AKR1E2: variants seen among roughly 807,000 people sequenced by gnomAD.
The protein encoded by AKR1E2 is aldo-keto reductase family 1 member E2, also known as 1,5-anhydro-D-fructose reductase.
A neutral mutation model predicts 41.9 loss-of-function variants in AKR1E2; 43 were observed. The observed-to-expected ratio is 1.03, with a 90% CI of 0.80 to 1.32. The LOEUF (loss-of-function observed/expected upper bound fraction) is 1.32, where lower values mean the gene tolerates loss of function less well. Ranked by LOEUF, AKR1E2 falls within the 40% of genes most tolerant of loss-of-function variation. AKR1E2 has a pLI of 0.00. For synonymous variants in AKR1E2, 121 were observed against 138.9 expected (o/e 0.87, Z 0.91); for missense variants, 423 against 396.5 (o/e 1.07, Z -0.57).
intron 6 of AKR1E2, 130 bp from the exon 7 acceptor site, chr10:4,841,655 T>G: frequency 1.6e-6 from 1 of 634,204 alleles, no homozygotes; most frequent in Non-Finnish European, 2.5e-6. Context: ...CATTTTAAAA[T>G]TTCCTGTAGT....
chr10:4,863,178 C>T, the AKR1E2 span, among the ~76,000 whole-genome samples: 9 of 152,322 alleles, frequency 5.9e-5, no homozygotes, highest in Admixed American at 4.6e-4. Flanking sequence ...CACCACACCG[C>T]ACTTATTCCA....
chr10:4,841,294 G>A (rs761280566), intron 6 of AKR1E2, among the ~76,000 whole-genome samples: 1 of 152,336 alleles, frequency 6.6e-6, no homozygotes, highest in Non-Finnish European at 1.5e-5. Flanking sequence ...AGCAGAGGAT[G>A]CACAGGGACT....
intron 5 of AKR1E2, among the ~76,000 whole-genome samples, chr10:4,837,928 C>A (rs1833566434): frequency 6.6e-6 from 1 of 152,236 alleles, no homozygotes; most frequent in African/African-American, 2.4e-5. Context: ...TCCCAGCCTG[C>A]AGACTGCAGC....
chr10:4,870,346 A>AC, the AKR1E2 span, among the ~76,000 whole-genome samples: 1 of 152,076 alleles, frequency 6.6e-6, no homozygotes, highest in African/African-American at 2.4e-5. Context: ...GGCAAGAACA[A>AC]TCTACTGCGT....
the AKR1E2 span, among the ~76,000 whole-genome samples, chr10:4,854,590 G>A: frequency 2.6e-4 from 39 of 152,220 alleles, no homozygotes; most frequent in Admixed American, 2.3e-3. Flanking sequence ...GGTAAGTGGT[G>A]GGTGGGGTCC....
the AKR1E2 span, among the ~76,000 whole-genome samples, chr10:4,869,326 G>T: frequency 6.6e-6 from 1 of 152,072 alleles, no homozygotes; most frequent in Non-Finnish European, 1.5e-5. Context: ...GTTGTTTGTA[G>T]TACCCCATTA....
At chr10:4,848,280 T>C (rs1834458430), downstream of AKR1E2, among the ~76,000 whole-genome samples, 2 of 152,250 alleles carry the variant, frequency 1.3e-5, no homozygotes, top group African/African-American at 2.4e-5. Flanking sequence ...GGAACCCCCA[T>C]AGCGGAGATG....
rs75310214 is a variant in AKR1E2 at position 4,847,248 on chromosome 10, T to G, written c.920+18T>G. ...TTCCCCATGTAAATATGGCTCCTTC[T>G]TTTTAAAACAGAGGGAAGAATATAC... On this transcript the variant is annotated intron_variant, in intron 9 of 9. Coordinates refer to ENST00000298375, the MANE Select transcript of AKR1E2 (RefSeq NM_001040177.3). The G allele has an allele frequency of 3.1e-5, 50 of 1,613,558 alleles. No individual in the cohort carries two copies. In the Middle Eastern group the frequency reaches 9.9e-4, roughly 32 times the overall value.
chr10:4,854,126 C>G, the AKR1E2 span, among the ~76,000 whole-genome samples: 3 of 141,012 alleles, frequency 2.1e-5, no homozygotes, highest in Admixed American at 7.4e-5. Context: ...CAGAGTCATG[C>G]TCTGCTGCCA....
the AKR1E2 span, among the ~76,000 whole-genome samples, chr10:4,856,962 C>G: frequency 1.3e-5 from 2 of 152,124 alleles, no homozygotes; most frequent in African/African-American, 4.8e-5. Context: ...TTCATCTTCT[C>G]CAGCTGAAAC....
At position 4,839,801 on chromosome 10, in the gene AKR1E2, G is replaced by A. The variant is rs1833727289; in HGVS notation, c.655G>A (p.Ala219Thr). 1 of 1,614,112 alleles carries A rather than the reference G, an allele frequency of 6.2e-7. No homozygotes were observed. The highest frequency in any genetic ancestry group is 1.3e-5 in the African/African-American group (1 of 75,036). ...FCQSRDVSVT[A>T]YRPLGGSCEG... ...CCAATCCAGAGATGTGTCCGTGACT[G>A]CTTACCGTCCTCTTGGTGGCTCGTG... Residue 219 changes from alanine (A) to threonine (T), a missense_variant, in exon 6 of 10, where the codon GCT becomes ACT. Ala to Thr is a moderately conservative substitution (Grantham distance 58, BLOSUM62 0). Transcript: ENST00000298375.
the AKR1E2 span, among the ~76,000 whole-genome samples, chr10:4,855,966 CA>C: frequency 6.6e-6 from 1 of 152,160 alleles, no homozygotes; most frequent in Non-Finnish European, 1.5e-5. Flanking sequence ...GTGCAGGAAA[CA>C]GTCAGCCCTT....
downstream of AKR1E2, among the ~76,000 whole-genome samples, chr10:4,849,935 T>A (rs1834492035): frequency 6.6e-6 from 1 of 152,152 alleles, no homozygotes; most frequent in Non-Finnish European, 1.5e-5. Flanking sequence ...CTTTGTACAA[T>A]CACAGTGAGG....
At chr10:4,869,635 CT>C in the AKR1E2 span, among the ~76,000 whole-genome samples, 2 of 151,798 alleles carry the variant, frequency 1.3e-5, no homozygotes, top group Non-Finnish European at 2.9e-5. Context: ...GACTTTTCCC[CT>C]TTTTTCTATA....
the AKR1E2 span, among the ~76,000 whole-genome samples, chr10:4,858,033 C>T: frequency 4.1e-3 from 623 of 152,016 alleles, 2 homozygotes; most frequent in African/African-American, 4.9e-3. Flanking sequence ...CTGTTAGATT[C>T]GGTTTCGTTC....
the AKR1E2 span, among the ~76,000 whole-genome samples, chr10:4,861,805 A>C: frequency 6.6e-6 from 1 of 151,716 alleles, no homozygotes; most frequent in Non-Finnish European, 1.5e-5. Context: ...AATTTGTTGG[A>C]GTTCTTTGTA....
rs1050202313 is a variant in AKR1E2, at chr10:4,842,449, A to C, written c.782A>C (p.Asn261Thr). The change falls in exon 8 of 10, where the codon AAT becomes ACT. Residue 261 changes from asparagine to threonine, a missense_variant. Physicochemically the swap from Asn to Thr is moderately conservative, Grantham distance 65 (BLOSUM62 0). Transcript: ENST00000298375. ...QILIRFQIQR[N>T]VIVIPGSITP... ...TTGATCCGATTTCAAATCCAGAGGA[A>C]TGTGATAGTGATCCCCGGATCTATC... is the stretch of plus-strand genomic sequence containing the variant. 6.2e-7 allele frequency: 1 copy of C among 1,614,206 alleles called. No homozygotes were observed. Among genetic ancestry groups the C allele is most frequent in the Non-Finnish European group, 8.5e-7 (1 of 1,180,008 alleles).
Position 4,826,360 on chromosome 10 carries a change from G to A in AKR1E2, c.36G>A (p.Trp12Ter). The A allele has an allele frequency of 1.6e-6, 2 of 1,234,810 alleles. No homozygotes were observed. The highest frequency in any genetic ancestry group is 3.2e-5 in the East Asian group (1 of 31,638). The allele number at this position is 1,234,810 out of a possible 1,614,324, so 76.5% of individuals were successfully genotyped here. A position where few individuals can be genotyped will look rare whatever the true frequency, so the allele number is the denominator to read the frequency against. ...GDIPAVGLSS[W>*]KASPGKVTEA... ...TCCCAGCCGTGGGCCTCAGCTCCTG[G>A]AAGGTGACGCGGTCGCGGGCAGGGA... The change falls in exon 1 of 10, where the codon TGG becomes TGA. Residue 12 changes from tryptophan (W) to a stop codon, truncating the protein, a stop_gained. Transcript: ENST00000298375. LOFTEE classifies it high-confidence loss of function.
At chr10:4,841,940 C>A in intron 7 of AKR1E2, 83 bp downstream of exon 7, 1 of 1,296,372 alleles carries the variant, frequency 7.7e-7, no homozygotes, top group Non-Finnish European at 1.1e-6. Flanking sequence ...TTGGCAGGTC[C>A]CAGGAAGGGA....
Sources: allele counts gnomAD v4.1 joint callset (sites outside exome capture counted in the v4.1 genomes callset), GRCh38; gene constraint gnomAD v4.1.1; transcripts MANE v1.5; gene names NCBI Gene and HGNC (gene_info 2026-07-23, HGNC 2026-07-21).